Variants in TEC observed in about 807,000 individuals in gnomAD.
The protein encoded by TEC is tyrosine-protein kinase Tec.
TEC carries 72 observed loss-of-function variants against 93.0 expected under a neutral mutation model. The ratio of observed to expected loss-of-function variants is 0.77; its 90% CI spans 0.64 to 0.94. The LOEUF is 0.94. Ranked by LOEUF, TEC falls within the 40% of genes least tolerant of loss-of-function variation. TEC has a pLI of 0.00. For missense variants in TEC, 630 were observed against 757.9 expected, an observed-to-expected ratio of 0.83 and a Z score of 1.98; for synonymous variants, 249 against 247.7, an observed-to-expected ratio of 1.01 and a Z score of -0.05.
At chr4:48,170,738 T>C (rs1286199682) in intron 4 of TEC, among the ~76,000 whole-genome samples, 1 of 152,202 alleles carries the variant, frequency 6.6e-6, no homozygotes, top group Non-Finnish European at 1.5e-5. Flanking sequence ...ATTGACTACA[T>C]GGGCACTTTG....
chr4:48,144,139 C>T (rs965855819), intron 14 of TEC, among the ~76,000 whole-genome samples: 2 of 152,074 alleles, frequency 1.3e-5, no homozygotes, highest in Non-Finnish European at 2.9e-5. Context: ...CGCTTGAACC[C>T]GGGAGGTTGA....
At chr4:48,196,638 A>G (rs763556949) in intron 2 of TEC, among the ~76,000 whole-genome samples, 15 of 152,210 alleles carry the variant, frequency 9.9e-5, no homozygotes, top group Non-Finnish European at 1.8e-4. Context: ...CTAGACTCCA[A>G]GAAAGATCTT....
At chr4:48,153,275 C>T (rs1006873545) in intron 9 of TEC, among the ~76,000 whole-genome samples, 7 of 151,058 alleles carry the variant, frequency 4.6e-5, no homozygotes, top group South Asian at 4.2e-4. Flanking sequence ...AATGATCAAT[C>T]AGGAAGAAAG....
At chr4:48,253,173 G>GT (rs1359761345) in intron 1 of TEC, among the ~76,000 whole-genome samples, 1 of 152,254 alleles carries the variant, frequency 6.6e-6, no homozygotes. Context: ...CATGAAATAC[G>GT]TAAGTTATCT....
Position 48,136,036 on chromosome 4 carries a change from T to C in TEC, c.*1380A>G, listed in dbSNP as rs1719398652. 6.6e-6 allele frequency: 1 copy of C among 152,224 alleles called. No homozygotes were observed. Among genetic ancestry groups the C allele is most frequent in the African/African-American group, 2.4e-5 (1 of 41,452 alleles). 9.4% of individuals were successfully genotyped at this position (152,224 alleles called of 1,614,324 possible). ...CTGAAGGGAAGGCGCTGTGTCTTCC[T>C]CGGCTAGTTACCCCACCAACAGCAA... On this transcript the variant is annotated 3_prime_UTR_variant, in exon 18 of 18. Coordinates refer to ENST00000381501, the MANE Select transcript of TEC (RefSeq NM_003215.3).
At chr4:48,141,538 A>G (rs1443708423) in intron 14 of TEC, 119 bp from the exon 15 acceptor site, 1 of 942,572 alleles carries the variant, frequency 1.1e-6, no homozygotes, top group African/African-American at 1.7e-5. Flanking sequence ...AGAGAGTGGA[A>G]ACACCCTTTA....
chr4:48,267,126 G>A (rs1724660359), intron 1 of TEC, among the ~76,000 whole-genome samples: 1 of 152,182 alleles, frequency 6.6e-6, no homozygotes, highest in African/African-American at 2.4e-5. Flanking sequence ...TTGGATAAAA[G>A]TTTAAAACTA....
At chr4:48,195,489 C>A (rs1472149019) in intron 2 of TEC, among the ~76,000 whole-genome samples, 1 of 152,144 alleles carries the variant, frequency 6.6e-6, no homozygotes, top group Non-Finnish European at 1.5e-5. Context: ...AGGAAGCAAG[C>A]CTTAGAAACA....
chr4:48,248,666 T>G (rs906517314), intron 1 of TEC, among the ~76,000 whole-genome samples: 3 of 152,204 alleles, frequency 2.0e-5, no homozygotes, highest in African/African-American at 7.2e-5. Flanking sequence ...TAACAAGGTA[T>G]GTATCTTTAA....
At position 48,210,112 on chromosome 4, in the gene TEC, G is replaced by C. The variant is rs185403840; in HGVS notation, c.138+18365C>G. On this transcript the variant is annotated intron_variant, in intron 2 of 17. Coordinates refer to ENST00000381501, the MANE Select transcript of TEC (RefSeq NM_003215.3). ...CTCTGGGGCCCTTCCAGAGGCCTTA[G>C]GAAGGGCTATGGAATTGAAAGAGCC... Among the ~76,000 whole-genome samples, 437 of 152,284 alleles carry C rather than the reference G, an allele frequency of 2.9e-3. 4 individuals carry two copies. Among genetic ancestry groups the C allele is most frequent in the Non-Finnish European group, 4.6e-3 (316 of 68,024 alleles).
At chr4:48,209,612 C>A (rs1302717285) in intron 2 of TEC, among the ~76,000 whole-genome samples, 1 of 150,524 alleles carries the variant, frequency 6.6e-6, no homozygotes, top group Non-Finnish European at 1.5e-5. Context: ...GACTTTGTCT[C>A]AAAAAAAATA....
chr4:48,220,847 C>A (rs1337511692), intron 2 of TEC, among the ~76,000 whole-genome samples: 1 of 152,168 alleles, frequency 6.6e-6, no homozygotes, highest in Non-Finnish European at 1.5e-5. Context: ...TACAATTTAA[C>A]TCAATTCTGA....
chr4:48,186,919 C>T (rs1238205042), intron 2 of TEC, among the ~76,000 whole-genome samples: 3 of 152,172 alleles, frequency 2.0e-5, no homozygotes, highest in Admixed American at 1.3e-4. Flanking sequence ...GCCGCCACCC[C>T]ATCTGGGAGG....
chr4:48,227,728 A>T (rs1269663794), intron 2 of TEC, among the ~76,000 whole-genome samples: 6 of 152,116 alleles, frequency 3.9e-5, no homozygotes, highest in Admixed American at 6.6e-5. Context: ...GCCATGGGCA[A>T]CCCAGCCCCT....
At chr4:48,264,760 C>A (rs1458484198) in intron 1 of TEC, among the ~76,000 whole-genome samples, 1 of 151,988 alleles carries the variant, frequency 6.6e-6, no homozygotes, top group Non-Finnish European at 1.5e-5. Context: ...CCTCAGCCTG[C>A]TGAGTAGCTG....
At chr4:48,228,183 A>G (rs73817605) in intron 2 of TEC, among the ~76,000 whole-genome samples, 2,708 of 152,344 alleles carry the variant, frequency 0.018, 77 homozygotes, top group African/African-American at 0.06. Flanking sequence ...ACTTTGATAC[A>G]TAATAAGCGG....
At position 48,217,354 on chromosome 4, in the gene TEC, G is replaced by A. The variant is rs536596910; in HGVS notation, c.138+11123C>T. 1.4e-4 allele frequency among the ~76,000 whole-genome samples: 22 copies of A among 152,170 alleles called. No homozygotes were observed. In the East Asian group the frequency reaches 3.1e-3, roughly 21 times the overall value. Reference sequence around the variant, plus strand: ...CCTGACCTCATGATCCGCCCAACTCGGCCTCCCAAAGTGCTGGGATTACAG... The same window carrying A: ...CCTGACCTCATGATCCGCCCAACTCAGCCTCCCAAAGTGCTGGGATTACAG... On this transcript the variant is annotated intron_variant, in intron 2 of 17. Transcript: ENST00000381501.
intron 14 of TEC, among the ~76,000 whole-genome samples, chr4:48,144,813 T>C (rs772105656): frequency 2.0e-5 from 3 of 152,202 alleles, no homozygotes; most frequent in Non-Finnish European, 4.4e-5. Context: ...GAATCCACTG[T>C]GAGTAGCTAT....
At chr4:48,186,251 G>A (rs1036411967) in intron 2 of TEC, among the ~76,000 whole-genome samples, 1 of 152,224 alleles carries the variant, frequency 6.6e-6, no homozygotes, top group African/African-American at 2.4e-5. Flanking sequence ...CCAAAGTGCC[G>A]AGATTGCAGC....
Sources: allele counts gnomAD v4.1 joint callset (sites outside exome capture counted in the v4.1 genomes callset), GRCh38; gene constraint gnomAD v4.1.1; transcripts MANE v1.5; gene names NCBI Gene and HGNC (gene_info 2026-07-23, HGNC 2026-07-21).